The following PLCL1 variants were observed in gnomAD, a reference collection of about 807,000 sequenced individuals.
PLCL1 encodes phospholipase C like 1 (inactive).
In PLCL1, 41 loss-of-function variants were observed where a neutral mutation model predicts 84.4. The ratio of observed to expected loss-of-function variants is 0.49; its 90% CI spans 0.38 to 0.63. The LOEUF (loss-of-function observed/expected upper bound fraction) is 0.63. Among genes scored for constraint, PLCL1 ranks in the 30% least tolerant of loss-of-function variants. The pLI is 0.00. For synonymous variants in PLCL1, 490 were observed against 488.3 expected (o/e 1.00, Z -0.05); for missense variants, 1,206 against 1,367.8 (o/e 0.88, Z 1.87).
At chr2:197,845,014 C>T (rs1379930083) in intron 1 of PLCL1, among the ~76,000 whole-genome samples, 1 of 152,054 alleles carries the variant, frequency 6.6e-6, no homozygotes, top group African/African-American at 2.4e-5. Flanking sequence ...TCCAGTTCAG[C>T]TCAAGGCAGA....
chr2:197,872,233 A>G (rs1574923980), intron 1 of PLCL1, among the ~76,000 whole-genome samples: 2 of 152,142 alleles, frequency 1.3e-5, no homozygotes, highest in East Asian at 3.9e-4. Flanking sequence ...TTTAGGTAGC[A>G]AATTTCCTGT....
intron 1 of PLCL1, among the ~76,000 whole-genome samples, chr2:198,039,160 G>A (rs1355142813): frequency 1.3e-5 from 2 of 152,242 alleles, no homozygotes; most frequent in Middle Eastern, 3.4e-3. Flanking sequence ...GTATTGAACA[G>A]GGTTCATAGT....
At chr2:198,108,383 G>A (rs751549126) in intron 5 of PLCL1, among the ~76,000 whole-genome samples, 4 of 151,864 alleles carry the variant, frequency 2.6e-5, no homozygotes, top group South Asian at 4.1e-4. Flanking sequence ...GGTTAAATGT[G>A]TTGGTTTGTA....
chr2:197,849,750 A>G (rs1369277897), intron 1 of PLCL1, among the ~76,000 whole-genome samples: 1 of 152,116 alleles, frequency 6.6e-6, no homozygotes, highest in Admixed American at 6.5e-5. Flanking sequence ...GAAAATCAAG[A>G]GGTTTTAAAG....
chr2:197,831,818 C>A (rs1691073907), intron 1 of PLCL1, among the ~76,000 whole-genome samples: 1 of 152,164 alleles, frequency 6.6e-6, no homozygotes. Context: ...AAGAAACAGT[C>A]ACGCAGACCA....
rs547333199 is a variant in PLCL1, at chr2:198,059,644, C to T, written c.241-24114C>T. 2.6e-5 allele frequency among the ~76,000 whole-genome samples: 4 copies of T among 152,198 alleles called. No individual in the cohort carries two copies. In the South Asian group the frequency reaches 8.3e-4, roughly 32 times the overall value. On this transcript the variant is annotated intron_variant, in intron 1 of 5. Transcript: ENST00000428675. ...CTGAGAGAGGATGGGAGAGTGGGTTCAGCCAAGCTAGCCCCCTGCCTCCTC... is the reference window on the plus strand; with the variant it reads ...CTGAGAGAGGATGGGAGAGTGGGTTTAGCCAAGCTAGCCCCCTGCCTCCTC...
chr2:197,878,708 A>G (rs1687779667), intron 1 of PLCL1, among the ~76,000 whole-genome samples: 1 of 152,068 alleles, frequency 6.6e-6, no homozygotes, highest in Non-Finnish European at 1.5e-5. Flanking sequence ...CTACCTTAGG[A>G]TCAAATTGAA....
chr2:197,896,964 T>C (rs1274365595), intron 1 of PLCL1, among the ~76,000 whole-genome samples: 1 of 152,144 alleles, frequency 6.6e-6, no homozygotes, highest in African/African-American at 2.4e-5. Flanking sequence ...ACCCCTAAAT[T>C]TGAGATTTGG....
intron 5 of PLCL1, among the ~76,000 whole-genome samples, chr2:198,108,463 G>A (rs1210175436): frequency 6.6e-6 from 1 of 151,882 alleles, no homozygotes; most frequent in South Asian, 2.1e-4. Context: ...AATGAGAAAT[G>A]TGCCCTCAGC....
chr2:197,988,099 C>A (rs1386741463), intron 1 of PLCL1, among the ~76,000 whole-genome samples: 1 of 152,134 alleles, frequency 6.6e-6, no homozygotes, highest in Non-Finnish European at 1.5e-5. Context: ...AGTGGACTAG[C>A]ACTGTCAGCC....
chr2:197,835,602 G>C (rs1333844088), intron 1 of PLCL1, among the ~76,000 whole-genome samples: 2 of 152,140 alleles, frequency 1.3e-5, no homozygotes, highest in African/African-American at 4.8e-5. Context: ...TTTTGGACTG[G>C]AGCCAAACGC....
chr2:198,083,868 T>C lies in PLCL1; in HGVS notation c.351T>C (p.Ala117=), dbSNP rs1277154315. ...SANDCISFMQ[A]GCELKKVRPN... The stretch of plus-strand genomic sequence containing the variant: ...ATGACTGCATCAGCTTCATGCAAGC[T>C]GGCTGTGAGTTGAAGAAAGTCCGGC... The change falls in exon 2 of 6, where the codon GCT becomes GCC. Residue 117 remains alanine (A), a synonymous_variant. Transcript: ENST00000428675. 1.2e-6 allele frequency: 2 copies of C among 1,614,046 alleles called. No individual in the cohort carries two copies. Among genetic ancestry groups the C allele is most frequent in the Non-Finnish European group, 1.7e-6 (2 of 1,179,998 alleles).
At chr2:198,134,054 C>T (rs553857803) in intron 5 of PLCL1, among the ~76,000 whole-genome samples, 1 of 152,018 alleles carries the variant, frequency 6.6e-6, no homozygotes, top group African/African-American at 2.4e-5. Flanking sequence ...GTTGATCAAG[C>T]CAACACGACA....
chr2:197,839,891 T>G lies in PLCL1; in HGVS notation c.240+34552T>G, dbSNP rs149486197. On this transcript the variant is annotated intron_variant, in intron 1 of 5. Transcript: ENST00000428675. ...TCTAAAGCTTCCTTTTCATTTCTTT[T>G]GTGGTTTTAATCTTTGGAGAGTGAG... 2.5e-4 allele frequency among the ~76,000 whole-genome samples: 38 copies of G among 152,346 alleles called. No individual in the cohort carries two copies. The East Asian group carries it at 5.4e-3, about 22-fold the overall frequency.
chr2:197,995,762 T>G lies in PLCL1; in HGVS notation c.241-87996T>G, dbSNP rs1345552408. On this transcript the variant is annotated intron_variant, in intron 1 of 5. Transcript: ENST00000428675. ...GGCCAGTGTACAGGAGGAAATCACT[T>G]AATGGGGGGGCGTGTGCCCAGCTGG... 2.0e-5 allele frequency among the ~76,000 whole-genome samples: 3 copies of G among 152,264 alleles called. No individual in the cohort carries two copies. In the South Asian group the frequency reaches 6.2e-4, roughly 32 times the overall value.
chr2:197,818,367 C>T (rs1460011862), intron 1 of PLCL1, among the ~76,000 whole-genome samples: 2 of 152,076 alleles, frequency 1.3e-5, no homozygotes, highest in African/African-American at 4.8e-5. Context: ...AAACCCTTTT[C>T]CCCAGGCTGA....
chr2:197,805,001 G>A lies in PLCL1; in HGVS notation c.-99G>A. On this transcript the variant is annotated 5_prime_UTR_variant, in exon 1 of 6. Transcript: ENST00000428675. The surrounding 1 kb of genome is among the most constrained non-coding windows in gnomAD (Gnocchi z 4.0). ...GCTGGGCGGTGAAACAAAGTCTGGC[G>A]GGGCCGCCTCCCGGTGCAGGAGCGC... 1 of 1,332,328 alleles carries A rather than the reference G, an allele frequency of 7.5e-7. No individual in the cohort carries two copies. The highest frequency in any genetic ancestry group is 9.7e-7 in the Non-Finnish European group (1 of 1,025,758). The allele number at this position is 1,332,328 out of a possible 1,614,324, so 82.5% of individuals were successfully genotyped here.
At chr2:197,913,849 T>C (rs918995995) in intron 1 of PLCL1, among the ~76,000 whole-genome samples, 2 of 152,134 alleles carry the variant, frequency 1.3e-5, no homozygotes, top group Non-Finnish European at 2.9e-5. Flanking sequence ...TTCTCTTTCC[T>C]TTTCATAAAA....
chr2:198,044,606 T>C (rs1226399241), intron 1 of PLCL1, among the ~76,000 whole-genome samples: 1 of 152,232 alleles, frequency 6.6e-6, no homozygotes, highest in Non-Finnish European at 1.5e-5. Flanking sequence ...GGGTTTCAAA[T>C]AATCATTGCA....
Sources: allele counts gnomAD v4.1 joint callset (sites outside exome capture counted in the v4.1 genomes callset), GRCh38; gene constraint gnomAD v4.1.1; non-coding constraint Gnocchi (gnomAD v3.1); transcripts MANE v1.5; gene names NCBI Gene and HGNC (gene_info 2026-07-23, HGNC 2026-07-21).